The following ATXN1 variants were observed in gnomAD, a reference collection of about 807,000 sequenced individuals.
The protein encoded by ATXN1 is ataxin-1.
Under a neutral mutation model 56.4 loss-of-function variants are expected in ATXN1, and 8 were observed. That is an observed-to-expected ratio of 0.14 (90% CI 0.08 to 0.26). The LOEUF (loss-of-function observed/expected upper bound fraction) is 0.26. ATXN1 is among the 10% of genes least tolerant of loss of function. ATXN1 has a pLI of 1.00. For synonymous variants in ATXN1, 514 were observed against 494.6 expected, an observed-to-expected ratio of 1.04 and a Z score of -0.52; for missense variants, 987 against 1,106.5, an observed-to-expected ratio of 0.89 and a Z score of 1.53.
rs906325274 is a variant in ATXN1, at chr6:16,326,059, G to A, written c.1917+335C>T. 1.3e-5 allele frequency among the ~76,000 whole-genome samples: 2 copies of A among 152,178 alleles called. No homozygotes were observed. The highest frequency in any genetic ancestry group is 2.9e-5 in the Non-Finnish European group (2 of 68,044). On this transcript the variant is annotated intron_variant, in intron 7 of 7. Transcript: ENST00000436367. The surrounding 1 kb of genome is among the most constrained non-coding windows in gnomAD (Gnocchi z 6.6). ...AAAAGTGCCGAATGACCACTAGAAGGACCTGAAGTCCAGCAGCGTTTCCTA... is the reference window on the plus strand; with the variant it reads ...AAAAGTGCCGAATGACCACTAGAAGAACCTGAAGTCCAGCAGCGTTTCCTA...
chr6:16,503,671 C>T (rs115327013), intron 5 of ATXN1, among the ~76,000 whole-genome samples: 2,422 of 152,224 alleles, frequency 0.016, 33 homozygotes, highest in Non-Finnish European at 0.026. Flanking sequence ...GCTTGGAACA[C>T]AGATGTTGAC....
At chr6:16,434,854 T>C (rs1438210128) in intron 6 of ATXN1, among the ~76,000 whole-genome samples, 3 of 152,154 alleles carry the variant, frequency 2.0e-5, no homozygotes, top group Non-Finnish European at 4.4e-5. Context: ...TATTTTTATA[T>C]GTAAAAAATG....
chr6:16,662,491 C>T (rs986617071), intron 2 of ATXN1, among the ~76,000 whole-genome samples: 2 of 152,156 alleles, frequency 1.3e-5, no homozygotes, highest in Non-Finnish European at 2.9e-5. Context: ...CGCCACCACG[C>T]CCAGCTAATT....
intron 2 of ATXN1, among the ~76,000 whole-genome samples, chr6:16,711,664 G>A (rs1759527665): frequency 1.3e-5 from 2 of 151,514 alleles, no homozygotes; most frequent in Non-Finnish European, 2.9e-5. Context: ...GCCCAGGCTG[G>A]AAGTGCAGTG....
At chr6:16,615,962 G>C (rs888680663) in intron 3 of ATXN1, 2 of 152,072 alleles carry the variant, frequency 1.3e-5, no homozygotes, top group African/African-American at 4.8e-5. Flanking sequence ...GAGCCTGGGA[G>C]GCAGAGGTTG....
chr6:16,474,359 C>G (rs1760283642), intron 6 of ATXN1, among the ~76,000 whole-genome samples: 1 of 152,246 alleles, frequency 6.6e-6, no homozygotes, highest in Non-Finnish European at 1.5e-5. Context: ...AGTGAAGAAG[C>G]TCAGACTAGT....
chr6:16,617,215 A>G (rs914203296), intron 3 of ATXN1, among the ~76,000 whole-genome samples: 2 of 152,188 alleles, frequency 1.3e-5, no homozygotes, highest in African/African-American at 4.8e-5. Context: ...GATTCTATAA[A>G]AACAGAAAAT....
intron 6 of ATXN1, among the ~76,000 whole-genome samples, chr6:16,436,236 T>C (rs970079601): frequency 1.3e-5 from 2 of 152,206 alleles, no homozygotes; most frequent in African/African-American, 4.8e-5. Context: ...CTTAGCCCAG[T>C]GGCTGACTCA....
chr6:16,373,756 C>T (rs886560770), intron 6 of ATXN1, among the ~76,000 whole-genome samples: 1 of 152,204 alleles, frequency 6.6e-6, no homozygotes, highest in Non-Finnish European at 1.5e-5. Context: ...TGCCTTCCAC[C>T]ATGATTGTGA....
chr6:16,380,880 A>G (rs373229388), intron 6 of ATXN1, among the ~76,000 whole-genome samples: 2 of 152,164 alleles, frequency 1.3e-5, no homozygotes, highest in East Asian at 1.9e-4. Context: ...CCTGACCCCT[A>G]ATACCTCTGA....
intron 4 of ATXN1, among the ~76,000 whole-genome samples, chr6:16,534,660 C>T (rs373349443): frequency 3.5e-4 from 53 of 152,258 alleles, no homozygotes; most frequent in African/African-American, 1.3e-3. Flanking sequence ...TGGTCCATTT[C>T]CTCATCCCAC....
At chr6:16,638,695 T>G (rs1472437156) in intron 3 of ATXN1, among the ~76,000 whole-genome samples, 1 of 152,210 alleles carries the variant, frequency 6.6e-6, no homozygotes, top group Non-Finnish European at 1.5e-5. Context: ...GTATACATTT[T>G]TGCTGAGTAC....
chr6:16,642,440 T>C (rs1271063088), intron 3 of ATXN1, among the ~76,000 whole-genome samples: 1 of 152,192 alleles, frequency 6.6e-6, no homozygotes, highest in African/African-American at 2.4e-5. Context: ...TTTCATGAGA[T>C]GTAATCTACT....
intron 3 of ATXN1, among the ~76,000 whole-genome samples, chr6:16,605,443 G>A (rs1466730845): frequency 6.6e-6 from 1 of 152,124 alleles, no homozygotes; most frequent in African/African-American, 2.4e-5. Context: ...CATGAGCCCT[G>A]CAAGGCTCCA....
chr6:16,393,418 T>C (rs985716507), intron 6 of ATXN1, among the ~76,000 whole-genome samples: 1 of 152,084 alleles, frequency 6.6e-6, no homozygotes, highest in African/African-American at 2.4e-5. Context: ...AATTTTTTTG[T>C]AGAGAGGAGT....
At chr6:16,591,443 A>G (rs1250145218) in intron 3 of ATXN1, among the ~76,000 whole-genome samples, 1 of 152,240 alleles carries the variant, frequency 6.6e-6, no homozygotes, top group Non-Finnish European at 1.5e-5. Flanking sequence ...TAAATTTACT[A>G]TTAATTTCAT....
intron 6 of ATXN1, among the ~76,000 whole-genome samples, chr6:16,353,424 C>T (rs1761614024): frequency 6.6e-6 from 1 of 152,170 alleles, no homozygotes; most frequent in African/African-American, 2.4e-5. Flanking sequence ...CCTGTAGTCC[C>T]AGCACTTTGG....
intron 2 of ATXN1, among the ~76,000 whole-genome samples, chr6:16,723,257 T>G (rs1013039641): frequency 6.6e-6 from 1 of 152,208 alleles, no homozygotes; most frequent in Admixed American, 6.5e-5. Flanking sequence ...TCATTTTTCC[T>G]ACTTTTAAGT....
intron 3 of ATXN1, among the ~76,000 whole-genome samples, chr6:16,634,001 G>A (rs1763550454): frequency 6.6e-6 from 1 of 152,150 alleles, no homozygotes; most frequent in Non-Finnish European, 1.5e-5. Flanking sequence ...ACTTGCTTCT[G>A]ATTACCTACC....
Sources: gnomAD v4.1 joint callset for allele counts (sites outside exome capture counted in the v4.1 genomes callset) on GRCh38, gnomAD v4.1.1 for gene constraint, Gnocchi (gnomAD v3.1) non-coding constraint, MANE v1.5 for transcripts, NCBI Gene and HGNC (gene_info 2026-07-23, HGNC 2026-07-21) for gene names.